The following BRINP3 variants were observed in gnomAD, a reference collection of about 807,000 sequenced individuals.
BRINP3 encodes the protein BMP/retinoic acid-inducible neural-specific protein 3.
A neutral mutation model predicts 71.0 loss-of-function variants in BRINP3; 19 were observed. The observed-to-expected ratio is 0.27, with a 90% CI of 0.19 to 0.39. The LOEUF is 0.39. BRINP3 is among the 10% of genes least tolerant of loss of function. The probability of loss-of-function intolerance (pLI) is 1.00; values close to 1 mark genes in which losing one functional copy is unlikely to be tolerated. For synonymous variants in BRINP3, 380 were observed against 337.7 expected (o/e 1.13, Z -1.37); for missense variants, 959 against 940.8 (o/e 1.02, Z -0.25).
At chr1:190,308,559 G>A (rs910901132) in intron 2 of BRINP3, among the ~76,000 whole-genome samples, 2 of 151,668 alleles carry the variant, frequency 1.3e-5, no homozygotes, top group Non-Finnish European at 2.9e-5. Flanking sequence ...GAGTTAATGG[G>A]TGCAGCACAC....
chr1:190,246,056 A>G (rs1485954462), intron 4 of BRINP3, among the ~76,000 whole-genome samples: 1 of 149,908 alleles, frequency 6.7e-6, no homozygotes, highest in African/African-American at 2.5e-5. Flanking sequence ...TAGTGCCGCA[A>G]TAAACATACG....
At position 190,267,554 on chromosome 1, in the gene BRINP3, C is replaced by T. The variant is rs568795551; in HGVS notation, c.428-2499G>A. Among the ~76,000 whole-genome samples, 13 of 151,788 alleles carry T rather than the reference C, an allele frequency of 8.6e-5. No homozygotes were observed. In the South Asian group the frequency reaches 2.7e-3, roughly 32 times the overall value. On this transcript the variant is annotated intron_variant, in intron 3 of 7. Transcript: ENST00000367462. The stretch of plus-strand genomic sequence containing the variant: ...AAAAAATGATAAAAAAGCTTATATC[C>T]AATAAAAATAAATACAAAGGTAAAA...
chr1:190,464,921 AT>A (rs1221428057), intron 1 of BRINP3, among the ~76,000 whole-genome samples: 1 of 152,004 alleles, frequency 6.6e-6, no homozygotes, highest in Non-Finnish European at 1.5e-5. Context: ...GAGGGTTAGT[AT>A]TCCTCTGAGA....
chr1:190,179,931 C>T (rs972717247), intron 6 of BRINP3, among the ~76,000 whole-genome samples: 1 of 152,074 alleles, frequency 6.6e-6, no homozygotes. Context: ...GTTTCCTTTT[C>T]TGTAAAGTGG....
intron 4 of BRINP3, among the ~76,000 whole-genome samples, chr1:190,244,308 A>T (rs1659378433): frequency 6.6e-6 from 1 of 152,104 alleles, no homozygotes; most frequent in African/African-American, 2.4e-5. Context: ...CACACTAAAC[A>T]GAACTACTCC....
chr1:190,251,486 A>C (rs1235252794), intron 4 of BRINP3, among the ~76,000 whole-genome samples: 5 of 151,966 alleles, frequency 3.3e-5, no homozygotes, highest in Non-Finnish European at 7.4e-5. Flanking sequence ...AGGGCCATGT[A>C]GCTCTAGAAT....
intron 2 of BRINP3, among the ~76,000 whole-genome samples, chr1:190,404,305 T>G (rs970799975): frequency 3.3e-5 from 5 of 152,088 alleles, no homozygotes; most frequent in Non-Finnish European, 7.4e-5. Flanking sequence ...AATGAATTCA[T>G]TAAAGAAATT....
chr1:190,243,818 A>G (rs1659335700), intron 4 of BRINP3, among the ~76,000 whole-genome samples: 1 of 152,124 alleles, frequency 6.6e-6, no homozygotes, highest in Non-Finnish European at 1.5e-5. Flanking sequence ...CTGTTTCTTT[A>G]CATTCAAAAA....
At chr1:190,329,113 C>A (rs1666797531) in intron 2 of BRINP3, among the ~76,000 whole-genome samples, 1 of 151,806 alleles carries the variant, frequency 6.6e-6, no homozygotes, top group African/African-American at 2.4e-5. Flanking sequence ...AAAATTTGAA[C>A]AAATAAAGGA....
At chr1:190,386,790 AATGACT>A (rs1382533002) in intron 2 of BRINP3, among the ~76,000 whole-genome samples, 1 of 152,028 alleles carries the variant, frequency 6.6e-6, no homozygotes, top group Non-Finnish European at 1.5e-5. Flanking sequence ...TTAAGAATTA[AATGACT>A]ATACAAATAA....
intron 6 of BRINP3, among the ~76,000 whole-genome samples, chr1:190,224,900 G>T (rs1657203234): frequency 6.6e-6 from 1 of 151,966 alleles, no homozygotes. Flanking sequence ...ATGAAATAAT[G>T]CTCAACATCA....
At chr1:190,115,321 A>G (rs557353746) in intron 7 of BRINP3, among the ~76,000 whole-genome samples, 204 of 152,306 alleles carry the variant, frequency 1.3e-3, no homozygotes, top group Non-Finnish European at 2.5e-3. Flanking sequence ...GTTGAAAATT[A>G]TGACCTAATT....
At chr1:190,371,573 A>G (rs578163476) in intron 2 of BRINP3, among the ~76,000 whole-genome samples, 5 of 152,232 alleles carry the variant, frequency 3.3e-5, no homozygotes, top group Admixed American at 1.3e-4. Flanking sequence ...TTTGATTACT[A>G]TAGCTTTGCA....
intron 7 of BRINP3, among the ~76,000 whole-genome samples, chr1:190,116,918 A>G (rs2211431): frequency 0.64 from 96,553 of 151,870 alleles, 32,454 homozygotes; most frequent in African/African-American, 0.87. Context: ...TTTGGATATA[A>G]GGACATCATT....
chr1:190,355,642 C>A (rs1442571), intron 2 of BRINP3, among the ~76,000 whole-genome samples: 1 of 151,540 alleles, frequency 6.6e-6, no homozygotes, highest in African/African-American at 2.4e-5. Flanking sequence ...GTTCCTAGAA[C>A]TAAAATTAAG....
chr1:190,314,416 G>A (rs1194709102), intron 2 of BRINP3, among the ~76,000 whole-genome samples: 4 of 152,154 alleles, frequency 2.6e-5, no homozygotes, highest in African/African-American at 7.2e-5. Flanking sequence ...TTAGAATACT[G>A]AGGTTATCCT....
At chr1:190,346,447 G>A (rs1292914783) in intron 2 of BRINP3, among the ~76,000 whole-genome samples, 1 of 151,782 alleles carries the variant, frequency 6.6e-6, no homozygotes, top group Non-Finnish European at 1.5e-5. Context: ...TTTATCTTTG[G>A]TATTTCTGTA....
At chr1:190,396,712 TGATATATA>T (rs1671592153) in intron 2 of BRINP3, among the ~76,000 whole-genome samples, 2 of 38,314 alleles carry the variant, frequency 5.2e-5, no homozygotes, top group African/African-American at 1.9e-4. Flanking sequence ...CCTAATTTAA[TGATATATA>T]TATATATATA....
chr1:190,359,578 T>C (rs910132077), intron 2 of BRINP3, among the ~76,000 whole-genome samples: 1 of 152,032 alleles, frequency 6.6e-6, no homozygotes, highest in Non-Finnish European at 1.5e-5. Context: ...CTGGGCAACA[T>C]GGCAAGACCT....
Sources: allele counts gnomAD v4.1 joint callset (sites outside exome capture counted in the v4.1 genomes callset), GRCh38; gene constraint gnomAD v4.1.1; transcripts MANE v1.5; gene names NCBI Gene and HGNC (gene_info 2026-07-23, HGNC 2026-07-21).